MXD1: variants seen among roughly 807,000 people sequenced by gnomAD.
The protein encoded by MXD1 is MAX-binding protein.
A neutral mutation model predicts 25.7 loss-of-function variants in MXD1; 9 were observed. The observed-to-expected ratio is 0.35, with a 90% confidence interval of 0.21 to 0.61. The LOEUF (loss-of-function observed/expected upper bound fraction) is 0.61. Among genes scored for constraint, MXD1 ranks in the 20% least tolerant of loss-of-function variants. The probability of loss-of-function intolerance (pLI) is 0.75; values close to 1 mark genes in which losing one functional copy is unlikely to be tolerated. For synonymous variants in MXD1, 99 were observed against 113.9 expected (o/e 0.87, Z 0.83); for missense variants, 227 against 292.4 (o/e 0.78, Z 1.63).
In MXD1 at chr2:69,937,366, C is replaced by T. The variant is rs776398666; in HGVS notation, c.450C>T (p.Val150=). The part of the protein sequence containing the change: ...RIRMDSIGST[V]SSERSDSDRE... ...GGATGGACAGCATCGGCTCCACCGT[C>T]TCCTCGGAGCGCTCCGACTCCGACA... The change falls in exon 5 of 6, where the codon GTC becomes GTT. Residue 150 remains valine, a synonymous_variant. Transcript: ENST00000264444. 1 of 1,611,824 alleles carries T rather than the reference C, an allele frequency of 6.2e-7. No individual in the cohort carries two copies. The highest frequency in any genetic ancestry group is 8.5e-7 in the Non-Finnish European group (1 of 1,179,062).
rs751239998 is a variant in MXD1, at chr2:69,929,411, A to G, written c.204-5940A>G. On this transcript the variant is annotated intron_variant, in intron 3 of 5. Coordinates refer to ENST00000264444, the MANE Select transcript of MXD1 (RefSeq NM_002357.4). ...CCTACTCTGTTGAATCTATTCCCCA[A>G]TTTGCAGATCTACTAGCCTGAGAGA... 6.6e-5 allele frequency among the ~76,000 whole-genome samples: 10 copies of G among 152,188 alleles called. No homozygotes were observed. The South Asian group carries it at 8.3e-4, about 13-fold the overall frequency.
intron 3 of MXD1, among the ~76,000 whole-genome samples, chr2:69,934,387 A>G (rs1436443540): frequency 6.6e-6 from 1 of 152,160 alleles, no homozygotes; most frequent in Admixed American, 6.5e-5. Context: ...GGAAATGTAA[A>G]TTTCTCAGTT....
intron 3 of MXD1, among the ~76,000 whole-genome samples, chr2:69,928,839 A>G (rs899072546): frequency 6.6e-6 from 1 of 152,200 alleles, no homozygotes; most frequent in Non-Finnish European, 1.5e-5. Context: ...ATGCAGACAA[A>G]AAAAGAAAGA....
At chr2:69,936,514 TGG>T (rs1677447565) in intron 4 of MXD1, among the ~76,000 whole-genome samples, 1 of 152,224 alleles carries the variant, frequency 6.6e-6, no homozygotes, top group Non-Finnish European at 1.5e-5. Flanking sequence ...ATATTATAGT[TGG>T]ACAAATGTTA....
chr2:69,938,773 C>T lies in MXD1; in HGVS notation c.*489C>T, dbSNP rs1031949535. The T allele has an allele frequency of 1.3e-5, 2 of 154,952 alleles. No individual in the cohort carries two copies. The highest frequency in any genetic ancestry group is 4.8e-5 in the African/African-American group (2 of 41,466). 9.6% of individuals were successfully genotyped at this position (154,952 alleles called of 1,614,324 possible). ...AAAGCAGCATTTAAGAGCACTTAAC[C>T]ATGGACCTCACCACCAGTGAGGAAG... is the stretch of plus-strand genomic sequence containing the variant. On this transcript the variant is annotated 3_prime_UTR_variant, in exon 6 of 6. Transcript: ENST00000264444.
rs1184747002 is a variant in MXD1, at chr2:69,940,412, T to A, written c.*2128T>A. On this transcript the variant is annotated 3_prime_UTR_variant, in exon 6 of 6. Transcript: ENST00000264444. Reference sequence around the variant, plus strand: ...ATCCAAGCGCCTCACAAGTCCACAATGCGGGACAGCATCAAAAGCTCAAGA... The same window carrying A: ...ATCCAAGCGCCTCACAAGTCCACAAAGCGGGACAGCATCAAAAGCTCAAGA... The A allele has an allele frequency of 6.6e-6, 1 of 152,534 alleles. No homozygotes were observed. Among genetic ancestry groups the A allele is most frequent in the African/African-American group, 2.4e-5 (1 of 41,430 alleles). The allele number at this position is 152,534 out of a possible 1,614,324, so 9.4% of individuals were successfully genotyped here. A position where few individuals can be genotyped will look rare whatever the true frequency, so the allele number is the denominator to read the frequency against.
Position 69,940,156 on chromosome 2 carries a change from T to G in MXD1, c.*1872T>G, listed in dbSNP as rs1677562961. ...GCAGGTGACACAAAGGATTTTTTTT[T>G]TTTTTTTTTAATTTTTGGAATCTTT... On this transcript the variant is annotated 3_prime_UTR_variant, in exon 6 of 6. Transcript: ENST00000264444. 6.6e-6 allele frequency: 1 copy of G among 151,974 alleles called. No individual in the cohort carries two copies. Among genetic ancestry groups the G allele is most frequent in the Non-Finnish European group, 1.5e-5 (1 of 67,992 alleles). The allele number at this position is 151,974 out of a possible 1,614,324, so 9.4% of individuals were successfully genotyped here.
intron 3 of MXD1, among the ~76,000 whole-genome samples, chr2:69,934,888 T>C (rs1206312537): frequency 6.6e-6 from 1 of 152,204 alleles, no homozygotes; most frequent in Non-Finnish European, 1.5e-5. Flanking sequence ...CAAATAAAGC[T>C]TCAACAAATA....
chr2:69,921,386 A>G (rs1677061209), intron 2 of MXD1, among the ~76,000 whole-genome samples: 1 of 152,230 alleles, frequency 6.6e-6, no homozygotes. Context: ...TTCTACCCTT[A>G]GCCTACAGAA....
chr2:69,942,476 CCTT>C lies in MXD1; in HGVS notation c.*4195_*4197del, dbSNP rs530958782. Reference sequence around the variant, plus strand: ...ATGGCTGAAGAGATTGAGTATTTGACCTTCTCTCAAAATCATAAAGTGAGAATT... The same window carrying C: ...ATGGCTGAAGAGATTGAGTATTTGACCTCTCAAAATCATAAAGTGAGAATT... On this transcript the variant is annotated 3_prime_UTR_variant, in exon 6 of 6. Transcript: ENST00000264444. 44 of 152,186 alleles carry C rather than the reference CCTT, an allele frequency of 2.9e-4. No individual in the cohort carries two copies. The highest frequency in any genetic ancestry group is 1.0e-3 in the African/African-American group (42 of 41,530). 9.4% of individuals were successfully genotyped at this position (152,186 alleles called of 1,614,324 possible).
chr2:69,924,651 A>AT (rs1239319709), intron 3 of MXD1, among the ~76,000 whole-genome samples: 3 of 152,072 alleles, frequency 2.0e-5, no homozygotes, highest in Non-Finnish European at 2.9e-5. Context: ...TACTTTAGCC[A>AT]TTTTTTACCT....
At chr2:69,929,408 C>T (rs6712827) in intron 3 of MXD1, among the ~76,000 whole-genome samples, 1 of 152,016 alleles carries the variant, frequency 6.6e-6, no homozygotes, top group Non-Finnish European at 1.5e-5. Context: ...AATCTATTCC[C>T]CAATTTGCAG....
intron 3 of MXD1, among the ~76,000 whole-genome samples, chr2:69,926,264 C>T (rs952946640): frequency 6.6e-6 from 1 of 151,918 alleles, no homozygotes; most frequent in African/African-American, 2.4e-5. Context: ...ATGGCTAAGT[C>T]TCTTTCTAGA....
Position 69,938,132 on chromosome 2 carries a change from C to G in MXD1, c.514C>G (p.Leu172Val), listed in dbSNP as rs1283259354. 5.0e-6 allele frequency: 8 copies of G among 1,614,144 alleles called. 1 individual carries two copies. The Admixed American group carries it at 6.7e-5, about 13-fold the overall frequency. ...CGTTGACGTGGAGAGCACGGACTAT[C>G]TCACAGGTGATCTGGACTGGAGCAG... ...IDVDVESTDY[L>V]TGDLDWSSSS... The change falls in exon 6 of 6, where the codon CTC (leucine) becomes GTC (valine). Residue 172 changes from leucine to valine, a missense_variant. By Grantham distance (32) the Leu-to-Val change is conservative. Transcript: ENST00000264444.
intron 3 of MXD1, among the ~76,000 whole-genome samples, chr2:69,934,027 G>C (rs1289240379): frequency 3.3e-5 from 5 of 152,232 alleles, no homozygotes; most frequent in Non-Finnish European, 7.3e-5. Flanking sequence ...GAAGCTTAAA[G>C]TCTAGTTGAA....
intron 3 of MXD1, among the ~76,000 whole-genome samples, chr2:69,922,008 G>A (rs1247250927): frequency 6.6e-6 from 1 of 152,106 alleles, no homozygotes; most frequent in Admixed American, 6.5e-5. Context: ...GCCTTTGAAT[G>A]ACTATTCCAC....
intron 4 of MXD1, 51 bp from the exon 5 acceptor site, chr2:69,937,184 C>T (rs901790396): frequency 6.2e-7 from 1 of 1,607,812 alleles, no homozygotes; most frequent in South Asian, 1.1e-5. Context: ...GGGCCATTGC[C>T]CATTTAGAGA....
chr2:69,921,843 C>CT, intron 3 of MXD1, 78 bp downstream of exon 3: 1 of 1,421,558 alleles, frequency 7.0e-7, no homozygotes, highest in Non-Finnish European at 9.8e-7. Context: ...CTTGGTTGCT[C>CT]TTTTTGACTC....
chr2:69,932,675 G>A (rs768672504), intron 3 of MXD1, among the ~76,000 whole-genome samples: 15 of 152,186 alleles, frequency 9.9e-5, no homozygotes, highest in Non-Finnish European at 1.8e-4. Context: ...TTTGGGTAGT[G>A]AAAATTGCAC....
Sources: gnomAD v4.1 joint callset for allele counts (sites outside exome capture counted in the v4.1 genomes callset) on GRCh38, gnomAD v4.1.1 for gene constraint, MANE v1.5 for transcripts, NCBI Gene and HGNC (gene_info 2026-07-23, HGNC 2026-07-21) for gene names.